Variants in PTPRM observed in about 807,000 individuals in gnomAD.
PTPRM encodes receptor-type tyrosine-protein phosphatase mu.
In PTPRM, 47 loss-of-function variants were observed where a neutral mutation model predicts 186.7. That is an observed-to-expected ratio of 0.25 (90% CI 0.20 to 0.32). PTPRM has a LOEUF of 0.32. Ranked by LOEUF, PTPRM falls within the 10% of genes least tolerant of loss-of-function variation. PTPRM has a pLI of 1.00. For missense variants in PTPRM, 1,494 were observed against 1,865.0 expected (o/e 0.80, Z 3.66); for synonymous variants, 668 against 674.9 (o/e 0.99, Z 0.16).
rs879593196 is a variant in PTPRM, at chr18:7,795,558, G to A, written c.196+21287G>A. ...CTTTGTTATGTCTTTGTTTGTGAGA[G>A]TGTTATGATGGTCAGTTTACAGAGG... On this transcript the variant is annotated intron_variant, in intron 2 of 32. Coordinates refer to ENST00000580170, the MANE Select transcript of PTPRM (RefSeq NM_001105244.2). Among the ~76,000 whole-genome samples, 4 of 151,964 alleles carry A rather than the reference G, an allele frequency of 2.6e-5. No homozygotes were observed. The East Asian group carries it at 7.7e-4, about 29-fold the overall frequency.
At chr18:7,896,743 G>A (rs2049381233) in intron 3 of PTPRM, among the ~76,000 whole-genome samples, 1 of 152,162 alleles carries the variant, frequency 6.6e-6, no homozygotes, top group South Asian at 2.1e-4. Context: ...GGAGTTCTTT[G>A]TGCAGCAAGG....
intron 19 of PTPRM, among the ~76,000 whole-genome samples, chr18:8,263,155 T>C (rs7227968): frequency 0.99 from 151,336 of 152,278 alleles, 75,227 homozygotes; most frequent in Middle Eastern, 1. Context: ...GCTGCCCAGG[T>C]TGGAATGCAG....
At chr18:7,994,489 G>A (rs1440765085) in intron 7 of PTPRM, among the ~76,000 whole-genome samples, 1 of 152,162 alleles carries the variant, frequency 6.6e-6, no homozygotes, top group African/African-American at 2.4e-5. Context: ...CCTAGCAGAC[G>A]TTACAGAACC....
intron 16 of PTPRM, 21 bp downstream of exon 16, chr18:8,247,940 C>G (rs1303489282): frequency 6.5e-6 from 10 of 1,527,650 alleles, no homozygotes; most frequent in Non-Finnish European, 9.1e-6. Context: ...TTTCCATTGT[C>G]TCCTCTCTGC....
At chr18:7,807,022 G>A (rs1364617517) in intron 2 of PTPRM, among the ~76,000 whole-genome samples, 3 of 152,074 alleles carry the variant, frequency 2.0e-5, no homozygotes, top group Admixed American at 6.5e-5. Flanking sequence ...CTTCATCTGT[G>A]GCACCTGGGC....
At chr18:7,646,442 T>G (rs139777892) in intron 1 of PTPRM, among the ~76,000 whole-genome samples, 2 of 152,294 alleles carry the variant, frequency 1.3e-5, no homozygotes, top group African/African-American at 4.8e-5. Flanking sequence ...CTTTGATGTG[T>G]CTTTTGTAAA....
At chr18:7,787,034 A>G (rs1051114700) in intron 2 of PTPRM, among the ~76,000 whole-genome samples, 1 of 152,214 alleles carries the variant, frequency 6.6e-6, no homozygotes, top group Admixed American at 6.5e-5. Context: ...GATGGCACAA[A>G]TTATTACAAA....
intron 7 of PTPRM, among the ~76,000 whole-genome samples, chr18:7,974,040 A>G (rs1169085056): frequency 6.6e-6 from 1 of 151,458 alleles, no homozygotes; most frequent in Non-Finnish European, 1.5e-5. Flanking sequence ...TTGCACTTCA[A>G]TGATGCGCGA....
chr18:8,346,370 G>C (rs964472964), intron 23 of PTPRM, among the ~76,000 whole-genome samples: 1 of 152,206 alleles, frequency 6.6e-6, no homozygotes, highest in Non-Finnish European at 1.5e-5. Context: ...CCTCCTCCTG[G>C]CTTTCATGTG....
intron 1 of PTPRM, among the ~76,000 whole-genome samples, chr18:7,688,880 G>C (rs1280947708): frequency 2.0e-5 from 3 of 152,152 alleles, no homozygotes; most frequent in Admixed American, 1.3e-4. Context: ...CTGGTGGCTT[G>C]GGTGGCTTCT....
At chr18:8,245,259 G>A (rs1452448930) in intron 15 of PTPRM, among the ~76,000 whole-genome samples, 1 of 151,990 alleles carries the variant, frequency 6.6e-6, no homozygotes, top group Admixed American at 6.6e-5. Flanking sequence ...GCTGAGCTCC[G>A]AATTCAGTCT....
rs1211102212 is a variant in PTPRM, at chr18:8,143,633, CCT to C, written c.2168-13_2168-12del. The C allele has an allele frequency of 6.3e-7, 1 of 1,575,520 alleles. No homozygotes were observed. The highest frequency in any genetic ancestry group is 8.7e-7 in the Non-Finnish European group (1 of 1,148,340). On this transcript the variant is annotated splice_polypyrimidine_tract_variant and intron_variant, in intron 13 of 32. Coordinates refer to ENST00000580170, the MANE Select transcript of PTPRM (RefSeq NM_001105244.2). ...ACCTACAGTCTCTCCTTTTTCATTT[CCT>C]TTCATCTTCAGGAGCTGCCACTCCG...
intron 20 of PTPRM, among the ~76,000 whole-genome samples, 160 bp downstream of exon 20, chr18:8,296,615 G>A (rs578196759): frequency 1.3e-5 from 2 of 152,254 alleles, no homozygotes; most frequent in East Asian, 3.9e-4. Flanking sequence ...AGGAATAACT[G>A]TCTACCCCCA....
chr18:8,041,425 CT>C (rs2086682921), intron 7 of PTPRM, among the ~76,000 whole-genome samples: 1 of 151,248 alleles, frequency 6.6e-6, no homozygotes, highest in Admixed American at 6.6e-5. Context: ...AAAGGCATGA[CT>C]TTGAGTTAGT....
intron 7 of PTPRM, among the ~76,000 whole-genome samples, chr18:7,962,219 G>A (rs12456376): frequency 0.3 from 45,450 of 150,970 alleles, 7,082 homozygotes; most frequent in African/African-American, 0.37. Flanking sequence ...TTGTTCTTCT[G>A]TGAACAAATA....
intron 1 of PTPRM, among the ~76,000 whole-genome samples, chr18:7,587,936 A>G (rs1181105206): frequency 2.0e-5 from 3 of 152,170 alleles, no homozygotes; most frequent in Non-Finnish European, 4.4e-5. Context: ...ATTTTGAGGA[A>G]AAAATTTTTA....
intron 22 of PTPRM, among the ~76,000 whole-genome samples, chr18:8,342,947 G>A (rs2095483567): frequency 6.6e-6 from 1 of 151,848 alleles, no homozygotes; most frequent in Non-Finnish European, 1.5e-5. Context: ...AAAAAAAAAT[G>A]GATTAATTTG....
chr18:7,700,993 A>AAAAAAAAAAAAAAAAAG (rs10653685), intron 1 of PTPRM, among the ~76,000 whole-genome samples: 2 of 107,322 alleles, frequency 1.9e-5, no homozygotes, highest in East Asian at 4.3e-4. Context: ...AAAAAAAAAA[A>AAAAAAAAAAAAAAAAAG]AAAGAAAGAA....
intron 1 of PTPRM, among the ~76,000 whole-genome samples, chr18:7,647,022 T>G: frequency 6.6e-6 from 1 of 152,184 alleles, no homozygotes; most frequent in African/African-American, 2.4e-5. Flanking sequence ...TCTTAGCACA[T>G]TCGGAGGCCA....
Sources: allele counts gnomAD v4.1 joint callset (sites outside exome capture counted in the v4.1 genomes callset), GRCh38; gene constraint gnomAD v4.1.1; transcripts MANE v1.5; gene names NCBI Gene and HGNC (gene_info 2026-07-23, HGNC 2026-07-21).